The following COPS5 variants were observed in gnomAD, a reference collection of about 807,000 sequenced individuals.
COPS5 encodes the protein COP9 signalosome subunit 5.
In COPS5, 8 loss-of-function variants were observed where a neutral mutation model predicts 44.4. That is an observed-to-expected ratio of 0.18 (90% CI 0.11 to 0.32). COPS5 has a LOEUF of 0.32. Ranked by LOEUF, COPS5 falls within the 10% of genes least tolerant of loss-of-function variation. The probability of loss-of-function intolerance (pLI) is 1.00; values close to 1 mark genes in which losing one functional copy is unlikely to be tolerated. For synonymous variants in COPS5, 122 were observed against 142.8 expected (o/e 0.85, Z 1.04); for missense variants, 159 against 406.4 (o/e 0.39, Z 5.23).
At chr8:67,048,166 G>A (rs923883419) in intron 6 of COPS5, among the ~76,000 whole-genome samples, 1 of 151,978 alleles carries the variant, frequency 6.6e-6, no homozygotes, top group Non-Finnish European at 1.5e-5. Flanking sequence ...GTAGTCAGGA[G>A]GCCGAGGTGG....
intron 6 of COPS5, chr8:67,047,950 T>C: frequency 1.4e-6 from 1 of 700,508 alleles, no homozygotes; most frequent in Non-Finnish European, 2.6e-6. Context: ...TTCTCCATCC[T>C]AATTTGCTAC....
Position 67,043,183 on chromosome 8 carries a change from G to T in COPS5, c.*50C>A. ...GGTAACTGGTTTTAAAGTGTTACTT[G>T]AATATTTTTCTCATACTGTCTTTCA... On this transcript the variant is annotated 3_prime_UTR_variant, in exon 8 of 8. Coordinates refer to ENST00000357849, the MANE Select transcript of COPS5 (RefSeq NM_006837.3). The T allele has an allele frequency of 9.2e-7, 1 of 1,090,088 alleles. No individual in the cohort carries two copies. Among genetic ancestry groups the T allele is most frequent in the Non-Finnish European group, 1.4e-6 (1 of 723,708 alleles). The allele number at this position is 1,090,088 out of a possible 1,614,324, so 67.5% of individuals were successfully genotyped here.
chr8:67,060,857 T>C (rs959152618), intron 1 of COPS5: 4 of 181,020 alleles, frequency 2.2e-5, no homozygotes, highest in Non-Finnish European at 4.7e-5. Flanking sequence ...CTGTACTGGG[T>C]TGTCATGAAA....
intron 2 of COPS5, among the ~76,000 whole-genome samples, chr8:67,058,912 G>T (rs1165167084): frequency 6.6e-6 from 1 of 151,318 alleles, no homozygotes; most frequent in Non-Finnish European, 1.5e-5. Context: ...GCTGAGGAGG[G>T]AGAATTGCTT....
chr8:67,044,137 G>C (rs2129537687), intron 7 of COPS5: 1 of 152,136 alleles, frequency 6.6e-6, no homozygotes, highest in East Asian at 1.9e-4. Context: ...CTGCCTCCTA[G>C]GCTCCAGTGA....
At chr8:67,049,651 T>C (rs1399868315) in intron 6 of COPS5, among the ~76,000 whole-genome samples, 1 of 152,202 alleles carries the variant, frequency 6.6e-6, no homozygotes, top group African/African-American at 2.4e-5. Context: ...CTACTGTTGC[T>C]TGCAATGCTT....
rs368987070 is a variant in COPS5 at position 67,058,188 on chromosome 8, G to A, written c.402C>T (p.Ile134=). Residue 134 remains isoleucine (I), a synonymous_variant, in exon 3 of 8, where the codon ATC becomes ATT. Coordinates refer to ENST00000357849, the MANE Select transcript of COPS5 (RefSeq NM_006837.3). ...AGCCAGGGTGGCTATGATACCACCC[G>A]ATTGCATTTTCAAGGCGGCCAACCT... ...AKQVGRLENA[I]GWYHSHPGYG... is the part of the protein sequence containing the mutation. The A allele has an allele frequency of 1.5e-5, 25 of 1,613,372 alleles. No individual in the cohort carries two copies. Among genetic ancestry groups the A allele is most frequent in the Non-Finnish European group, 2.1e-5 (25 of 1,179,558 alleles).
At chr8:67,049,161 A>G (rs1407204579) in intron 6 of COPS5, among the ~76,000 whole-genome samples, 9 of 152,218 alleles carry the variant, frequency 5.9e-5, no homozygotes, top group Non-Finnish European at 1.2e-4. Context: ...GAATGTCAGC[A>G]TCTCTAAATA....
At chr8:67,059,167 A>G (rs1263164969) in intron 2 of COPS5, 44 bp downstream of exon 2, 1 of 1,405,822 alleles carries the variant, frequency 7.1e-7, no homozygotes, top group Admixed American at 1.7e-5. Context: ...TCACCTTGAG[A>G]CTCTAACTTG....
At position 67,060,232 on chromosome 8, in the gene COPS5, G is replaced by A. The variant is rs915201422; in HGVS notation, c.144-787C>T. On this transcript the variant is annotated intron_variant, in intron 1 of 7. Transcript: ENST00000357849. ...ATTACATTTTGGTCTCATTAATGCA[G>A]CCCAAGACAGCTAGGATGAATATAA... 3 of 653,752 alleles carry A rather than the reference G, an allele frequency of 4.6e-6. No individual in the cohort carries two copies. The East Asian group carries it at 2.7e-4, about 59-fold the overall frequency. 40.5% of individuals were successfully genotyped at this position (653,752 alleles called of 1,614,324 possible).
Position 67,062,010 on chromosome 8 carries a change from G to A in COPS5, c.-14C>T. The A allele has an allele frequency of 1.2e-6, 2 of 1,614,198 alleles. No individual in the cohort carries two copies. The highest frequency in any genetic ancestry group is 1.7e-6 in the Non-Finnish European group (2 of 1,180,046). On this transcript the variant is annotated 5_prime_UTR_variant, in exon 1 of 8. Transcript: ENST00000357849. ...GGACGCCGCCATCGCCGAGGAAGCGGAGAAGTTGTCGTCTCTACAACCAAG... is the reference window on the plus strand; with the variant it reads ...GGACGCCGCCATCGCCGAGGAAGCGAAGAAGTTGTCGTCTCTACAACCAAG...
At chr8:67,044,644 G>A (rs1451087972) in intron 7 of COPS5, 1 of 151,504 alleles carries the variant, frequency 6.6e-6, no homozygotes, top group Admixed American at 6.6e-5. Flanking sequence ...TTGTTGGCCA[G>A]GCTGGAGTGC....
intron 6 of COPS5, among the ~76,000 whole-genome samples, chr8:67,048,527 C>T (rs185186440): frequency 2.7e-5 from 4 of 150,632 alleles, no homozygotes; most frequent in Admixed American, 2.6e-4. Flanking sequence ...CCAGCCTGGC[C>T]AAGATGGTGA....
At position 67,043,345 on chromosome 8, in the gene COPS5, T is replaced by C. The variant is rs954408073; in HGVS notation, c.921-28A>G. 10 of 1,368,402 alleles carry C rather than the reference T, an allele frequency of 7.3e-6. 1 individual carries two copies. The highest frequency in any genetic ancestry group is 1.0e-5 in the Non-Finnish European group (10 of 966,350). The allele number at this position is 1,368,402 out of a possible 1,614,324, so 84.8% of individuals were successfully genotyped here. ...GGAAAAAAAAACACACATCACATGA[T>C]GTCATAAATTGAAAACTATTTCAAA... On this transcript the variant is annotated intron_variant, in intron 7 of 7. Transcript: ENST00000357849.
At chr8:67,049,081 T>C (rs1230758209) in intron 6 of COPS5, among the ~76,000 whole-genome samples, 1 of 152,216 alleles carries the variant, frequency 6.6e-6, no homozygotes. Context: ...TTTCAGAACT[T>C]AAGTGCAATG....
intron 6 of COPS5, chr8:67,047,582 C>A (rs1816716550): frequency 4.9e-6 from 2 of 410,008 alleles, no homozygotes; most frequent in South Asian, 7.8e-5. Flanking sequence ...AATTAACGTC[C>A]TTAGCTGGGG....
chr8:67,057,837 A>G (rs192005761), intron 3 of COPS5, among the ~76,000 whole-genome samples: 124 of 152,332 alleles, frequency 8.1e-4, no homozygotes, highest in Middle Eastern at 6.8e-3. Flanking sequence ...TTGAATGCCT[A>G]TGATGAGCTG....
intron 6 of COPS5, among the ~76,000 whole-genome samples, chr8:67,049,710 C>T (rs1804370608): frequency 6.6e-6 from 1 of 152,122 alleles, no homozygotes; most frequent in African/African-American, 2.4e-5. Context: ...GTTACAGTTT[C>T]AGCTGTACTC....
At position 67,047,698 on chromosome 8, in the gene COPS5, T is replaced by C. The variant is rs571083094; in HGVS notation, c.772-1738A>G. 94 of 641,112 alleles carry C rather than the reference T, an allele frequency of 1.5e-4. 1 individual carries two copies. The South Asian group carries it at 1.5e-3, about 10-fold the overall frequency. The allele number at this position is 641,112 out of a possible 1,614,324, so 39.7% of individuals were successfully genotyped here. A position where few individuals can be genotyped will look rare whatever the true frequency, so the allele number is the denominator to read the frequency against. ...ATGTAATTTAACCTTTTCTTGATTA[T>C]TAATGTCCTCATGTATGCAGTGCTG... On this transcript the variant is annotated intron_variant, in intron 6 of 7. Coordinates refer to ENST00000357849, the MANE Select transcript of COPS5 (RefSeq NM_006837.3).
Sources: gnomAD v4.1 joint callset for allele counts (sites outside exome capture counted in the v4.1 genomes callset) on GRCh38, gnomAD v4.1.1 for gene constraint, MANE v1.5 for transcripts, NCBI Gene and HGNC (gene_info 2026-07-23, HGNC 2026-07-21) for gene names.